GNG4: variants seen among roughly 807,000 people sequenced by gnomAD.
GNG4 encodes the protein guanine nucleotide-binding protein G(I)/G(S)/G(O) subunit gamma-4.
In GNG4, 4 loss-of-function variants were observed where a neutral mutation model predicts 5.8. The observed-to-expected ratio is 0.69, with a 90% CI of 0.34 to 1.57. The LOEUF is 1.57. Among genes scored for constraint, GNG4 ranks in the 40% most tolerant of loss-of-function variants. GNG4 has a pLI of 0.06. For missense variants in GNG4, 96 were observed against 95.1 expected, an observed-to-expected ratio of 1.01 and a Z score of -0.04; for synonymous variants, 29 against 32.9, an observed-to-expected ratio of 0.88 and a Z score of 0.41.
chr1:235,571,823 T>A (rs1687351152), intron 3 of GNG4, among the ~76,000 whole-genome samples: 1 of 152,188 alleles, frequency 6.6e-6, no homozygotes, highest in Non-Finnish European at 1.5e-5. Context: ...ACAAACTTTT[T>A]AAATGTTAAT....
intron 1 of GNG4, among the ~76,000 whole-genome samples, chr1:235,599,546 C>T (rs1485302430): frequency 6.6e-6 from 1 of 152,066 alleles, no homozygotes; most frequent in African/African-American, 2.4e-5. Context: ...CAAACTCTGA[C>T]CTCAAGTGAT....
chr1:235,570,921 T>TACACACACAC (rs201995877), intron 3 of GNG4, among the ~76,000 whole-genome samples: 1 of 63,934 alleles, frequency 1.6e-5, no homozygotes, highest in African/African-American at 7.3e-5. Context: ...TACATATATA[T>TACACACACAC]ATACACACAC....
intron 1 of GNG4, among the ~76,000 whole-genome samples, chr1:235,632,843 G>A (rs528409674): frequency 2.0e-5 from 3 of 152,240 alleles, no homozygotes; most frequent in Middle Eastern, 3.4e-3. Flanking sequence ...AAGAAAAAAC[G>A]TAGTCACGTA....
intron 1 of GNG4, among the ~76,000 whole-genome samples, chr1:235,607,615 G>C (rs76211860): frequency 6.6e-6 from 1 of 152,208 alleles, no homozygotes; most frequent in Non-Finnish European, 1.5e-5. Context: ...TGGGTCACGC[G>C]CTTTGATCAG....
Position 235,554,931 on chromosome 1 carries a change from A to G in GNG4, c.100-2694T>C, listed in dbSNP as rs1038079229. Among the ~76,000 whole-genome samples the G allele has an allele frequency of 2.5e-4, 37 of 149,888 alleles. 2 individuals carry two copies. Among genetic ancestry groups the G allele is most frequent in the African/African-American group, 4.9e-5 (2 of 40,660 alleles). On this transcript the variant is annotated intron_variant, in intron 3 of 3. Coordinates refer to ENST00000391854, the MANE Select transcript of GNG4 (RefSeq NM_001098722.2). Reference sequence around the variant, plus strand: ...AGTTTTCACTTTTCCCATCTACTTCATTTTTTTTGGACATGCTCCAGTTTC... The same window carrying G: ...AGTTTTCACTTTTCCCATCTACTTCGTTTTTTTTGGACATGCTCCAGTTTC...
chr1:235,648,196 G>A lies in GNG4; in HGVS notation c.-123+1466C>T, dbSNP rs949516545. On this transcript the variant is annotated intron_variant, in intron 1 of 3. Coordinates refer to ENST00000391854, the MANE Select transcript of GNG4 (RefSeq NM_001098722.2). The surrounding 1 kb of genome is among the most constrained non-coding windows in gnomAD (Gnocchi z 5.0). The stretch of plus-strand genomic sequence containing the variant: ...ACTGGAGTTGTGCATGGAGGTGGGG[G>A]CCAACAGGAAGTCCATTGTCCTAAA... Among the ~76,000 whole-genome samples, 6 of 152,112 alleles carry A rather than the reference G, an allele frequency of 3.9e-5. No homozygotes were observed. The highest frequency in any genetic ancestry group is 1.4e-4 in the African/African-American group (6 of 41,386).
chr1:235,556,300 C>T (rs1381922950), intron 3 of GNG4, among the ~76,000 whole-genome samples: 1 of 151,870 alleles, frequency 6.6e-6, no homozygotes, highest in Non-Finnish European at 1.5e-5. Flanking sequence ...GGCTCACGGA[C>T]TGTAATCCCA....
At chr1:235,622,418 AAAGAGTTAGATG>A (rs1462164739) in intron 1 of GNG4, among the ~76,000 whole-genome samples, 1 of 152,188 alleles carries the variant, frequency 6.6e-6, no homozygotes, top group East Asian at 1.9e-4. Context: ...TGGTTCATAA[AAAGAGTTAGATG>A]AGGCTGGGCG....
chr1:235,553,985 T>C (rs966041235), intron 3 of GNG4, among the ~76,000 whole-genome samples: 1 of 152,166 alleles, frequency 6.6e-6, no homozygotes, highest in African/African-American at 2.4e-5. Context: ...TAGGAGTGTT[T>C]GAAGTTTGCA....
At chr1:235,597,405 C>G (rs1052683180) in intron 1 of GNG4, among the ~76,000 whole-genome samples, 12 of 151,310 alleles carry the variant, frequency 7.9e-5, no homozygotes, top group African/African-American at 2.7e-4. Context: ...CCCTACCCCC[C>G]CCAAATTCCT....
At chr1:235,606,593 G>C (rs975090223) in intron 1 of GNG4, among the ~76,000 whole-genome samples, 1 of 152,154 alleles carries the variant, frequency 6.6e-6, no homozygotes, top group African/African-American at 2.4e-5. Flanking sequence ...CTTAGGAAAA[G>C]AGCAAGTGGA....
At chr1:235,567,270 C>A (rs1486337954) in intron 3 of GNG4, among the ~76,000 whole-genome samples, 1 of 152,008 alleles carries the variant, frequency 6.6e-6, no homozygotes, top group Non-Finnish European at 1.5e-5. Context: ...TATGTTTATA[C>A]AAATATATGT....
intron 1 of GNG4, among the ~76,000 whole-genome samples, chr1:235,623,516 A>AT (rs1235544441): frequency 7.2e-5 from 11 of 152,132 alleles, no homozygotes; most frequent in African/African-American, 2.7e-4. Context: ...TGCTTTTTAT[A>AT]TTTTTCCAGC....
chr1:235,600,936 T>G (rs1688245748), intron 1 of GNG4, among the ~76,000 whole-genome samples: 1 of 152,230 alleles, frequency 6.6e-6, no homozygotes. Flanking sequence ...ATTGCCAAGA[T>G]AGGGCGGGCA....
chr1:235,591,964 C>T (rs1327340796), intron 2 of GNG4, among the ~76,000 whole-genome samples: 1 of 152,160 alleles, frequency 6.6e-6, no homozygotes, highest in Non-Finnish European at 1.5e-5. Flanking sequence ...AAGCTAGCAC[C>T]AAGTTAGCCC....
At chr1:235,615,755 G>T in intron 1 of GNG4, 2 of 252,794 alleles carry the variant, frequency 7.9e-6, no homozygotes, top group South Asian at 7.0e-5. Flanking sequence ...AGGAGGAGGG[G>T]GGTGATGGAG....
At chr1:235,578,740 G>A (rs548779891) in intron 3 of GNG4, among the ~76,000 whole-genome samples, 147 of 152,140 alleles carry the variant, frequency 9.7e-4, no homozygotes, top group Non-Finnish European at 1.7e-3. Context: ...TAGAAATAGA[G>A]AGTAAAATGG....
chr1:235,644,153 C>T lies in GNG4; in HGVS notation c.-123+5509G>A, dbSNP rs532662103. 2.6e-5 allele frequency among the ~76,000 whole-genome samples: 4 copies of T among 152,296 alleles called. No homozygotes were observed. Among genetic ancestry groups the T allele is most frequent in the South Asian group, 2.1e-4 (1 of 4,820 alleles). ...CAGAGACAGGGCTGGGTGGCGGGAA[C>T]GCGGGCACCCAGAGGTCCAGATCAG... On this transcript the variant is annotated intron_variant, in intron 1 of 3. Coordinates refer to ENST00000391854, the MANE Select transcript of GNG4 (RefSeq NM_001098722.2). The surrounding 1 kb of genome is among the most constrained non-coding windows in gnomAD (Gnocchi z 5.9).
At chr1:235,594,919 A>G (rs972574705) in intron 2 of GNG4, among the ~76,000 whole-genome samples, 2 of 152,200 alleles carry the variant, frequency 1.3e-5, no homozygotes, top group South Asian at 4.1e-4. Context: ...AAGGGCTGTG[A>G]GGGTTGCCAG....
Sources: gnomAD v4.1 joint callset for allele counts (sites outside exome capture counted in the v4.1 genomes callset) on GRCh38, gnomAD v4.1.1 for gene constraint, Gnocchi (gnomAD v3.1) non-coding constraint, MANE v1.5 for transcripts, NCBI Gene and HGNC (gene_info 2026-07-23, HGNC 2026-07-21) for gene names.